IFT88: variants seen among roughly 807,000 people sequenced by gnomAD.
IFT88 encodes the protein intraflagellar transport protein 88 homolog.
In IFT88, 74 loss-of-function variants were observed where a neutral mutation model predicts 119.5. That is an observed-to-expected ratio of 0.62 (90% CI 0.51 to 0.75). The LOEUF (loss-of-function observed/expected upper bound fraction) is 0.75, where lower values mean the gene tolerates loss of function less well. IFT88 is among the 30% of genes least tolerant of loss of function. The probability of loss-of-function intolerance (pLI) is 0.00; values close to 1 mark genes in which losing one functional copy is unlikely to be tolerated. For synonymous variants in IFT88, 279 were observed against 316.7 expected, an observed-to-expected ratio of 0.88 and a Z score of 1.26; for missense variants, 961 against 977.7, an observed-to-expected ratio of 0.98 and a Z score of 0.23.
At position 20,629,578 on chromosome 13, in the gene IFT88, A is replaced by AT. The variant is rs1458752986; in HGVS notation, c.1300-1437dup. Among the ~76,000 whole-genome samples the AT allele has an allele frequency of 2.0e-5, 3 of 152,354 alleles. No homozygotes were observed. In the South Asian group the frequency reaches 6.2e-4, roughly 32 times the overall value. On this transcript the variant is annotated intron_variant, in intron 15 of 25. Coordinates refer to ENST00000351808, the MANE Select transcript of IFT88 (RefSeq NM_006531.5). ...TGTGCAAATAATAATAAATAAAAGA[A>AT]TAACAGTTTACTCATATTCTAACCA... is the stretch of plus-strand genomic sequence containing the variant.
At chr13:20,689,965 A>G (rs939263583) in intron 24 of IFT88, among the ~76,000 whole-genome samples, 1 of 152,214 alleles carries the variant, frequency 6.6e-6, no homozygotes, top group African/African-American at 2.4e-5. Flanking sequence ...TTTTCCCGTA[A>G]CATCAGTGGT....
intron 14 of IFT88, among the ~76,000 whole-genome samples, chr13:20,617,940 G>A (rs1397763249): frequency 1.3e-5 from 2 of 152,006 alleles, no homozygotes; most frequent in East Asian, 3.9e-4. Flanking sequence ...ACTACAGGCA[G>A]GCGTCACCAT....
chr13:20,599,716 C>T lies in IFT88; in HGVS notation c.812+151C>T, dbSNP rs1397792686. 6 of 538,496 alleles carry T rather than the reference C, an allele frequency of 1.1e-5. 1 individual carries two copies. In the South Asian group the frequency reaches 1.5e-4, roughly 13 times the overall value. 33.4% of individuals were successfully genotyped at this position (538,496 alleles called of 1,614,324 possible). The stretch of plus-strand genomic sequence containing the variant: ...AGTATTTTGATCTGTTCCCTTCTTA[C>T]TACTTGTACACATTTTTATAATGAC... On this transcript the variant is annotated intron_variant, in intron 11 of 25. Transcript: ENST00000351808.
intron 13 of IFT88, chr13:20,612,284 T>C (rs2044695997): frequency 6.6e-6 from 1 of 152,226 alleles, no homozygotes; most frequent in South Asian, 2.1e-4. Flanking sequence ...CCTTGCTCCA[T>C]CTGCTGTATG....
intron 18 of IFT88, 80 bp downstream of exon 18, chr13:20,641,478 CTAAT>C (rs1337945195): frequency 2.5e-6 from 2 of 801,496 alleles, no homozygotes; most frequent in Non-Finnish European, 4.1e-6. Flanking sequence ...ATAAGTTTAA[CTAAT>C]GAAGTAATTG....
chr13:20,678,824 G>A (rs1437920173), intron 24 of IFT88, among the ~76,000 whole-genome samples: 1 of 152,120 alleles, frequency 6.6e-6, no homozygotes, highest in Non-Finnish European at 1.5e-5. Context: ...GTCACGGTGG[G>A]CTACTTCTCG....
In IFT88 at chr13:20,643,450, A is replaced by AT. The variant is rs754702013; in HGVS notation, c.1683-4dup. ...ACATGTTTTCCTTAACTGACATTGC[A>AT]TAAGATATGAATTAATGGAAAATCC... On this transcript the variant is annotated splice_region_variant and splice_polypyrimidine_tract_variant and intron_variant, in intron 18 of 25. Transcript: ENST00000351808. 5.9e-5 allele frequency: 94 copies of AT among 1,586,414 alleles called. 1 individual carries two copies. The highest frequency in any genetic ancestry group is 6.1e-5 in the Non-Finnish European group (72 of 1,171,292).
chr13:20,597,661 G>C (rs571349447), intron 9 of IFT88, among the ~76,000 whole-genome samples: 4 of 151,544 alleles, frequency 2.6e-5, no homozygotes, highest in Non-Finnish European at 2.9e-5. Context: ...GGAGAATGGC[G>C]TGAACCCGGG....
intron 14 of IFT88, among the ~76,000 whole-genome samples, chr13:20,616,386 G>A (rs1405260497): frequency 6.6e-6 from 1 of 152,172 alleles, no homozygotes; most frequent in Admixed American, 6.5e-5. Flanking sequence ...GCACAGGCAT[G>A]ACATTTTAAA....
chr13:20,624,970 G>A (rs2047082692), intron 14 of IFT88, among the ~76,000 whole-genome samples: 1 of 152,078 alleles, frequency 6.6e-6, no homozygotes, highest in Non-Finnish European at 1.5e-5. Context: ...TTCCCTTGAT[G>A]TACAATAGAT....
At chr13:20,622,365 A>C (rs1251726460) in intron 14 of IFT88, among the ~76,000 whole-genome samples, 3 of 152,186 alleles carry the variant, frequency 2.0e-5, no homozygotes, top group Non-Finnish European at 2.9e-5. Context: ...GATTATTGGA[A>C]ATTACAGTAA....
chr13:20,583,975 C>A (rs895227789), intron 3 of IFT88, among the ~76,000 whole-genome samples: 1 of 152,022 alleles, frequency 6.6e-6, no homozygotes, highest in Non-Finnish European at 1.5e-5. Context: ...CTATGCTGTT[C>A]TATTGGTCTA....
At chr13:20,664,904 T>C (rs769183069) in intron 23 of IFT88, among the ~76,000 whole-genome samples, 56 of 151,942 alleles carry the variant, frequency 3.7e-4, no homozygotes, top group East Asian at 1.9e-3. Context: ...ACACTGAAAC[T>C]CTGTCTCTAC....
chr13:20,689,836 A>T (rs1242411916), intron 24 of IFT88, among the ~76,000 whole-genome samples: 1 of 152,228 alleles, frequency 6.6e-6, no homozygotes, highest in Non-Finnish European at 1.5e-5. Flanking sequence ...AGTTTAAAAG[A>T]CACCCGTATA....
chr13:20,662,082 A>G (rs2053904813), intron 22 of IFT88, among the ~76,000 whole-genome samples: 1 of 152,190 alleles, frequency 6.6e-6, no homozygotes, highest in Non-Finnish European at 1.5e-5. Context: ...AAGATATTTA[A>G]TAGAGCCAAA....
At chr13:20,670,159 T>TTC (rs1472255878) in intron 23 of IFT88, among the ~76,000 whole-genome samples, 3 of 152,212 alleles carry the variant, frequency 2.0e-5, no homozygotes, top group African/African-American at 7.2e-5. Flanking sequence ...ATGTTTATAT[T>TTC]ATTAAAGATC....
Position 20,604,902 on chromosome 13 carries a change from G to T in IFT88, c.1042-133G>T, listed in dbSNP as rs569163100. 1.6e-5 allele frequency: 7 copies of T among 449,960 alleles called. No individual in the cohort carries two copies. In the South Asian group the frequency reaches 2.3e-4, roughly 15 times the overall value. 27.9% of individuals were successfully genotyped at this position (449,960 alleles called of 1,614,324 possible). On this transcript the variant is annotated intron_variant, in intron 12 of 25. Transcript: ENST00000351808. ...CCCAGGGAGGTGGAGGCTGCAGTGA[G>T]CCATGATCATGCCACTGCACTGCAG...
intron 24 of IFT88, among the ~76,000 whole-genome samples, chr13:20,684,112 T>C (rs1474970927): frequency 6.6e-6 from 1 of 152,194 alleles, no homozygotes; most frequent in Non-Finnish European, 1.5e-5. Context: ...AGGAAAAGGC[T>C]CAAATGTAGC....
intron 12 of IFT88, among the ~76,000 whole-genome samples, chr13:20,602,344 AC>A (rs925700709): frequency 6.6e-6 from 1 of 150,628 alleles, no homozygotes; most frequent in Non-Finnish European, 1.5e-5. Flanking sequence ...AGCTGGGATT[AC>A]AGGCATGCGC....
Sources: allele counts gnomAD v4.1 joint callset (sites outside exome capture counted in the v4.1 genomes callset), GRCh38; gene constraint gnomAD v4.1.1; transcripts MANE v1.5; gene names NCBI Gene and HGNC (gene_info 2026-07-23, HGNC 2026-07-21).